HSD17B4: variants seen among roughly 807,000 people sequenced by gnomAD.
HSD17B4 encodes peroxisomal multifunctional enzyme type 2.
In HSD17B4, 70 loss-of-function variants were observed where a neutral mutation model predicts 101.0. The observed-to-expected ratio is 0.69, with a 90% CI of 0.57 to 0.85. HSD17B4 has a LOEUF of 0.85. Among genes scored for constraint, HSD17B4 ranks in the 40% least tolerant of loss-of-function variants. The pLI, the probability that HSD17B4 is intolerant of heterozygous loss-of-function variation, is 0.00. For missense variants in HSD17B4, 984 were observed against 892.4 expected, an observed-to-expected ratio of 1.10 and a Z score of -1.31; for synonymous variants, 347 against 297.1, an observed-to-expected ratio of 1.17 and a Z score of -1.73.
intron 2 of HSD17B4, 148 bp downstream of exon 2, chr5:119,456,516 A>G: frequency 1.5e-6 from 1 of 656,618 alleles, no homozygotes; most frequent in Admixed American, 2.6e-5. Context: ...TACCCCGACT[A>G]AGGCTGTCTG....
chr5:119,518,041 G>C (rs1752794897), intron 17 of HSD17B4, among the ~76,000 whole-genome samples: 1 of 152,126 alleles, frequency 6.6e-6, no homozygotes, highest in Non-Finnish European at 1.5e-5. Flanking sequence ...TCAGCAGGAC[G>C]TGGGTGGGGC....
At chr5:119,529,872 T>G (rs749982145) in intron 20 of HSD17B4, 22 bp from the exon 21 acceptor site, 14 of 1,399,276 alleles carry the variant, frequency 1.0e-5, no homozygotes, top group Non-Finnish European at 1.4e-5. Context: ...AATAAATCTT[T>G]TTTTTTTCTT....
chr5:119,477,256 C>T (rs556898105), intron 6 of HSD17B4, among the ~76,000 whole-genome samples, 161 bp from the exon 7 acceptor site: 12 of 152,166 alleles, frequency 7.9e-5, no homozygotes, highest in African/African-American at 2.9e-4. Context: ...AGTAGCATAA[C>T]TGGAATAAAG....
intron 18 of HSD17B4, 135 bp from the exon 19 acceptor site, chr5:119,525,782 C>G: frequency 1.7e-6 from 1 of 595,282 alleles, no homozygotes; most frequent in Non-Finnish European, 3.1e-6. Context: ...AAAATATCTA[C>G]TGTGTTTCTT....
chr5:119,496,002 C>A (rs1294091617), intron 11 of HSD17B4, among the ~76,000 whole-genome samples: 1 of 152,098 alleles, frequency 6.6e-6, no homozygotes, highest in Non-Finnish European at 1.5e-5. Flanking sequence ...TTTAGACCTG[C>A]AGAAAAGCAG....
At chr5:119,481,894 C>G (rs1484568713) in intron 8 of HSD17B4, among the ~76,000 whole-genome samples, 2 of 152,050 alleles carry the variant, frequency 1.3e-5, no homozygotes, top group African/African-American at 4.8e-5. Flanking sequence ...TATCCTTATT[C>G]CTCTATAGGT....
At chr5:119,504,514 T>G (rs1365693721) in intron 14 of HSD17B4, among the ~76,000 whole-genome samples, 1 of 152,240 alleles carries the variant, frequency 6.6e-6, no homozygotes, top group Non-Finnish European at 1.5e-5. Flanking sequence ...GGTTTTGATT[T>G]GCATTTCTCT....
Position 119,477,487 on chromosome 5 carries a change from A to G in HSD17B4, c.420A>G (p.Lys140=). 6.2e-7 allele frequency: 1 copy of G among 1,612,184 alleles called. No homozygotes were observed. Among genetic ancestry groups the G allele is most frequent in the African/African-American group, 1.3e-5 (1 of 74,922 alleles). ...VTRAAWEHMK[K]QKYGRIIMTS... ...GGGCAGCATGGGAACACATGAAGAAACAGAAGTATGGAAGGTAGAGTTGCA... is the reference window on the plus strand; with the variant it reads ...GGGCAGCATGGGAACACATGAAGAAGCAGAAGTATGGAAGGTAGAGTTGCA... Residue 140 remains lysine, a synonymous_variant, in exon 7 of 24, where the codon AAA becomes AAG. Coordinates refer to ENST00000510025, the MANE Select transcript of HSD17B4 (RefSeq NM_000414.4).
intron 22 of HSD17B4, among the ~76,000 whole-genome samples, chr5:119,533,354 C>T (rs17145473): frequency 0.13 from 20,215 of 150,072 alleles, 2,144 homozygotes; most frequent in African/African-American, 0.3. Context: ...AGGTGAAATA[C>T]TGGGGTTGAG....
chr5:119,512,426 G>A (rs908462149), intron 16 of HSD17B4, among the ~76,000 whole-genome samples: 1 of 151,982 alleles, frequency 6.6e-6, no homozygotes, highest in Admixed American at 6.6e-5. Flanking sequence ...GAAACGAAAA[G>A]GTTGAAAATA....
chr5:119,480,800 G>T (rs1197842053), intron 8 of HSD17B4, among the ~76,000 whole-genome samples: 1 of 152,010 alleles, frequency 6.6e-6, no homozygotes, highest in African/African-American at 2.4e-5. Context: ...GTACGCCCCG[G>T]GGGGGCCAGT....
In HSD17B4 at chr5:119,452,527, C is replaced by T. The variant is rs527961717; in HGVS notation, c.-49C>T. On this transcript the variant is annotated 5_prime_UTR_variant, in exon 1 of 24. Coordinates refer to ENST00000510025, the MANE Select transcript of HSD17B4 (RefSeq NM_000414.4). The stretch of plus-strand genomic sequence containing the variant: ...CCGCCTCCTCCTGTCCCGCAGTCGG[C>T]GTCCAGCGGCTCTGCTTGTTCGTGT... 2.7e-5 allele frequency: 44 copies of T among 1,613,386 alleles called. No individual in the cohort carries two copies. In the South Asian group the frequency reaches 4.7e-4, roughly 17 times the overall value.
intron 23 of HSD17B4, among the ~76,000 whole-genome samples, chr5:119,538,593 G>C (rs983633365): frequency 6.6e-6 from 1 of 152,124 alleles, no homozygotes; most frequent in African/African-American, 2.4e-5. Context: ...TTACCATGTC[G>C]TGTATGATGT....
At chr5:119,509,372 C>T in intron 16 of HSD17B4, 128 bp downstream of exon 16, 1 of 742,858 alleles carries the variant, frequency 1.3e-6, no homozygotes, top group East Asian at 2.5e-5. Context: ...ATACATCTGC[C>T]ACCCCTGGGA....
chr5:119,502,152 A>T, intron 14 of HSD17B4, 60 bp downstream of exon 14: 1 of 1,081,240 alleles, frequency 9.2e-7, no homozygotes, highest in South Asian at 1.2e-5. Context: ...TTAACCTTTT[A>T]AACAACATCA....
At chr5:119,529,559 C>T (rs1012434468) in intron 20 of HSD17B4, among the ~76,000 whole-genome samples, 1 of 146,348 alleles carries the variant, frequency 6.8e-6, no homozygotes, top group African/African-American at 2.4e-5. Context: ...CACTTCCCCC[C>T]CAAAAAATGC....
At chr5:119,499,748 A>C in intron 13 of HSD17B4, 195 bp downstream of exon 13, 1 of 367,250 alleles carries the variant, frequency 2.7e-6, no homozygotes, top group East Asian at 4.9e-5. Context: ...AAATGCCAGC[A>C]AAAAGAAGAA....
chr5:119,455,535 C>A (rs948298608), intron 1 of HSD17B4, among the ~76,000 whole-genome samples: 10 of 141,224 alleles, frequency 7.1e-5, no homozygotes, highest in Non-Finnish European at 1.5e-4. Context: ...AGAAAAAAAG[C>A]AAAACTTTCT....
chr5:119,525,744 T>A, intron 18 of HSD17B4, 173 bp from the exon 19 acceptor site: 1 of 570,452 alleles, frequency 1.8e-6, no homozygotes, highest in Non-Finnish European at 3.1e-6. Context: ...CTTTATTTCA[T>A]AATTTCCTCC....
Sources: allele counts gnomAD v4.1 joint callset (sites outside exome capture counted in the v4.1 genomes callset), GRCh38; gene constraint gnomAD v4.1.1; transcripts MANE v1.5; gene names NCBI Gene and HGNC (gene_info 2026-07-23, HGNC 2026-07-21).